PARN: variants seen among roughly 807,000 people sequenced by gnomAD.
PARN encodes the protein poly(A)-specific ribonuclease.
PARN carries 71 observed loss-of-function variants against 102.8 expected under a neutral mutation model. That is an observed-to-expected ratio of 0.69 (90% confidence interval 0.57 to 0.84). PARN has a LOEUF of 0.84. Ranked by LOEUF, PARN falls within the 40% of genes least tolerant of loss-of-function variation. PARN has a pLI of 0.00. For missense variants in PARN, 782 were observed against 760.9 expected (o/e 1.03, Z -0.33); for synonymous variants, 261 against 252.9 (o/e 1.03, Z -0.30).
intron 11 of PARN, 106 bp downstream of exon 11, chr16:14,604,040 A>G: frequency 2.6e-6 from 2 of 774,086 alleles, no homozygotes; most frequent in Non-Finnish European, 4.4e-6. Flanking sequence ...TATGAAAGAA[A>G]ACTATTCATT....
chr16:14,524,300 C>G (rs1477416258), intron 21 of PARN, among the ~76,000 whole-genome samples: 1 of 152,124 alleles, frequency 6.6e-6, no homozygotes, highest in African/African-American at 2.4e-5. Flanking sequence ...TGAAGGCAAA[C>G]CAGTATGCCA....
At chr16:14,587,717 C>CTCTG (rs2151759117) in intron 13 of PARN, among the ~76,000 whole-genome samples, 2 of 152,348 alleles carry the variant, frequency 1.3e-5, no homozygotes, top group South Asian at 4.1e-4. Context: ...CATTTTCTTT[C>CTCTG]TCTGACAATG....
chr16:14,604,938 G>A (rs921227369), intron 10 of PARN, among the ~76,000 whole-genome samples: 4 of 149,330 alleles, frequency 2.7e-5, no homozygotes, highest in East Asian at 4.0e-4. Context: ...TTTTGTAACC[G>A]CACACTTTTT....
At chr16:14,460,458 G>A (rs957902945) in intron 22 of PARN, among the ~76,000 whole-genome samples, 1 of 152,148 alleles carries the variant, frequency 6.6e-6, no homozygotes, top group Admixed American at 6.5e-5. Flanking sequence ...ACAACGGAAG[G>A]GTGAGTATTC....
intron 21 of PARN, among the ~76,000 whole-genome samples, chr16:14,530,700 G>A (rs1383766755): frequency 6.6e-6 from 1 of 152,032 alleles, no homozygotes; most frequent in African/African-American, 2.4e-5. Flanking sequence ...TTCCGCCTTC[G>A]TTCATCACTC....
intron 18 of PARN, among the ~76,000 whole-genome samples, chr16:14,579,785 A>T (rs370733135): frequency 6.6e-6 from 1 of 152,106 alleles, no homozygotes; most frequent in African/African-American, 2.4e-5. Context: ...AGAGAAGCCT[A>T]TTCAGCATGG....
intron 9 of PARN, 83 bp downstream of exon 9, chr16:14,608,198 A>C: frequency 9.8e-7 from 1 of 1,022,398 alleles, no homozygotes; most frequent in South Asian, 1.5e-5. Context: ...AATTTCAAAA[A>C]GGAAATGAGA....
At chr16:14,557,945 T>G (rs1388253297) in intron 18 of PARN, among the ~76,000 whole-genome samples, 1 of 152,186 alleles carries the variant, frequency 6.6e-6, no homozygotes, top group Non-Finnish European at 1.5e-5. Flanking sequence ...CTATCATTAT[T>G]TTCGCCTACC....
chr16:14,622,039 A>T (rs1972336904), intron 5 of PARN, among the ~76,000 whole-genome samples: 1 of 151,646 alleles, frequency 6.6e-6, no homozygotes, highest in African/African-American at 2.4e-5. Flanking sequence ...CTAAAAATAC[A>T]AAAATTAGCC....
intron 22 of PARN, among the ~76,000 whole-genome samples, chr16:14,465,754 G>C (rs1463408716): frequency 6.6e-6 from 1 of 152,200 alleles, no homozygotes; most frequent in African/African-American, 2.4e-5. Context: ...GGAAGGCTGA[G>C]GGTGGGGAAA....
intron 21 of PARN, among the ~76,000 whole-genome samples, chr16:14,529,952 G>C (rs1295108402): frequency 2.0e-5 from 3 of 151,492 alleles, no homozygotes; most frequent in Non-Finnish European, 4.4e-5. Flanking sequence ...AGAGGCCTCT[G>C]AACTCTAAAC....
chr16:14,458,178 T>A (rs1335843260), intron 22 of PARN, among the ~76,000 whole-genome samples: 1 of 152,184 alleles, frequency 6.6e-6, no homozygotes, highest in Non-Finnish European at 1.5e-5. Context: ...TGAAAGATAC[T>A]ACATTAATAA....
intron 13 of PARN, among the ~76,000 whole-genome samples, chr16:14,592,966 T>C (rs1970286215): frequency 6.6e-6 from 1 of 152,006 alleles, no homozygotes; most frequent in South Asian, 2.1e-4. Context: ...TGAAACCCCA[T>C]CTCTACTAAA....
At chr16:14,454,394 A>G in intron 22 of PARN, among the ~76,000 whole-genome samples, 1 of 152,234 alleles carries the variant, frequency 6.6e-6, no homozygotes. Flanking sequence ...TCTTTTGAAG[A>G]AAAGAATATT....
rs371370559 is a variant in PARN at position 14,541,244 on chromosome 16, CAG to C, written c.1480+10775_1480+10776del. Among the ~76,000 whole-genome samples the C allele has an allele frequency of 7.9e-3, 1,188 of 149,504 alleles. 15 individuals carry two copies. Among genetic ancestry groups the C allele is most frequent in the Non-Finnish European group, 0.011 (748 of 67,668 alleles). On this transcript the variant is annotated intron_variant, in intron 21 of 23. Transcript: ENST00000437198. Reference sequence around the variant, plus strand: ...CTTATGGAAGAAGCTTAGGGGCAAACAGGGGCAATAGAGAGTGAGGAAGGAAT... The same window carrying C: ...CTTATGGAAGAAGCTTAGGGGCAAACGGGCAATAGAGAGTGAGGAAGGAAT...
At chr16:14,625,973 G>A (rs1972625480) in intron 5 of PARN, among the ~76,000 whole-genome samples, 1 of 152,184 alleles carries the variant, frequency 6.6e-6, no homozygotes, top group Non-Finnish European at 1.5e-5. Context: ...AATCAAAAGA[G>A]CAGAAAGGAA....
chr16:14,545,098 G>C (rs1966873731), intron 21 of PARN, among the ~76,000 whole-genome samples: 1 of 152,188 alleles, frequency 6.6e-6, no homozygotes, highest in Admixed American at 6.5e-5. Context: ...TGAAGTGGGA[G>C]GATGGCTTGA....
At chr16:14,494,537 G>A (rs776405752) in intron 21 of PARN, among the ~76,000 whole-genome samples, 10 of 152,208 alleles carry the variant, frequency 6.6e-5, no homozygotes, top group Admixed American at 2.6e-4. Context: ...GATCCAGGCA[G>A]AAGGAATATG....
At chr16:14,526,443 C>A (rs1407542832) in intron 21 of PARN, among the ~76,000 whole-genome samples, 10 of 152,112 alleles carry the variant, frequency 6.6e-5, no homozygotes. Flanking sequence ...TCCCAAAGTG[C>A]TGGGATTACA....
Sources: allele counts gnomAD v4.1 joint callset (sites outside exome capture counted in the v4.1 genomes callset), GRCh38; gene constraint gnomAD v4.1.1; transcripts MANE v1.5; gene names NCBI Gene and HGNC (gene_info 2026-07-23, HGNC 2026-07-21).